Variants in SRRM3 observed in about 807,000 individuals in gnomAD.
SRRM3 encodes serine/arginine repetitive matrix protein 3.
SRRM3 carries 27 observed loss-of-function variants against 66.2 expected under a neutral mutation model. The observed-to-expected ratio is 0.41, with a 90% CI of 0.30 to 0.56. SRRM3 has a LOEUF of 0.56. Ranked by LOEUF, SRRM3 falls within the 20% of genes least tolerant of loss-of-function variation. The pLI is 0.32. For missense variants in SRRM3, 918 were observed against 991.9 expected (o/e 0.93, Z 1.00); for synonymous variants, 391 against 414.9 (o/e 0.94, Z 0.70).
chr7:76,267,478 T>A, intron 11 of SRRM3, 43 bp downstream of exon 11: 1 of 1,077,206 alleles, frequency 9.3e-7, no homozygotes, highest in Non-Finnish European at 1.1e-6. Context: ...CGCCGCGGGC[T>A]GCGCCGTGCG....
intron 1 of SRRM3, among the ~76,000 whole-genome samples, chr7:76,224,975 A>G (rs1257573560): frequency 5.3e-5 from 8 of 152,138 alleles, no homozygotes; most frequent in Non-Finnish European, 1.2e-4. Context: ...AATCTATTTA[A>G]CTGAAGGTAA....
chr7:76,246,299 C>T (rs782094976), intron 2 of SRRM3, among the ~76,000 whole-genome samples: 1 of 152,142 alleles, frequency 6.6e-6, no homozygotes, highest in Admixed American at 6.6e-5. Flanking sequence ...TGCGTTGTCT[C>T]ACGCCTGTAA....
rs1231499069 is a variant in SRRM3, at chr7:76,267,294, G to A, written c.867G>A (p.Thr289=). The change falls in exon 11 of 15, where the codon ACG becomes ACA. Residue 289 remains threonine, a synonymous_variant. Coordinates refer to ENST00000611745, the MANE Select transcript of SRRM3 (RefSeq NM_001110199.3). ...AGCACCGAGACGAAGGGCGAAAGAC[G>A]GGCAGCCAGCGGTCCAGCGGAAGCC... ...SPKHRDEGRK[T]GSQRSSGSRS... 1.9e-6 allele frequency: 3 copies of A among 1,557,244 alleles called. No homozygotes were observed. The highest frequency in any genetic ancestry group is 2.9e-5 in the African/African-American group (2 of 70,128).
At chr7:76,264,615 A>G in intron 8 of SRRM3, 150 bp from the exon 9 acceptor site, 1 of 710,498 alleles carries the variant, frequency 1.4e-6, no homozygotes. Flanking sequence ...AAAGGGGTGG[A>G]GTAGGATGGA....
intron 1 of SRRM3, among the ~76,000 whole-genome samples, chr7:76,215,821 A>G (rs1252569782): frequency 4.7e-5 from 6 of 128,052 alleles, no homozygotes; most frequent in African/African-American, 1.3e-4. Flanking sequence ...TTTTTGAGAC[A>G]GAGTCTCACT....
At chr7:76,203,067 C>T (rs528489272) in intron 1 of SRRM3, among the ~76,000 whole-genome samples, 7 of 152,316 alleles carry the variant, frequency 4.6e-5, no homozygotes, top group African/African-American at 9.6e-5. Flanking sequence ...GACGGAGAGA[C>T]GTGCACAAGT....
intron 1 of SRRM3, among the ~76,000 whole-genome samples, chr7:76,224,986 TGGGACC>T (rs1800819880): frequency 1.3e-5 from 2 of 152,160 alleles, no homozygotes; most frequent in Non-Finnish European, 1.5e-5. Flanking sequence ...CTGAAGGTAA[TGGGACC>T]AGCCCACCTT....
rs1250116865 is a variant in SRRM3, at chr7:76,285,764, G to A, written c.1883G>A (p.Arg628His). The A allele has an allele frequency of 9.0e-6, 14 of 1,550,664 alleles. No individual in the cohort carries two copies. The Admixed American group carries it at 1.6e-4, about 17-fold the overall frequency. ...GSYSSRSHGT[R>H]SRTRSPSRTP... ...TACAGCAGTCGCAGCCATGGGACCC[G>A]CAGCCGGACACGCAGCCCCTCGAGG... Residue 628 changes from arginine (R) to histidine (H), a missense_variant, in exon 15 of 15, where the codon CGC (arginine) becomes CAC (histidine). By Grantham distance (29) the Arg-to-His change is conservative. Transcript: ENST00000611745. The surrounding 1 kb of genome is among the most constrained non-coding windows in gnomAD (Gnocchi z 4.1).
At chr7:76,277,939 T>C (rs1583941190) in intron 11 of SRRM3, among the ~76,000 whole-genome samples, 1 of 152,282 alleles carries the variant, frequency 6.6e-6, no homozygotes. Flanking sequence ...CTACTGTGAA[T>C]TGGCTCCCAA....
At chr7:76,261,704 T>C (rs1801877033) in intron 8 of SRRM3, 123 bp downstream of exon 8, 2 of 1,117,046 alleles carry the variant, frequency 1.8e-6, no homozygotes, top group Admixed American at 4.0e-5. Flanking sequence ...CCAGGGTTCC[T>C]TCCCACAGCC....
chr7:76,259,136 G>A (rs1362783071), intron 3 of SRRM3, among the ~76,000 whole-genome samples: 1 of 151,318 alleles, frequency 6.6e-6, no homozygotes, highest in Non-Finnish European at 1.5e-5. Context: ...GAAAGGAGGG[G>A]TGGGGATGGG....
At chr7:76,265,843 T>TAAATATTTATATATTTA (rs1554609499) in intron 10 of SRRM3, among the ~76,000 whole-genome samples, 159 of 9,614 alleles carry the variant, frequency 0.017, 31 homozygotes, top group African/African-American at 0.071. Flanking sequence ...TATATATATA[T>TAAATATTTATATATTTA]ATATATATAT....
intron 1 of SRRM3, among the ~76,000 whole-genome samples, chr7:76,228,437 G>A (rs189702245): frequency 2.1e-3 from 313 of 152,208 alleles, no homozygotes; most frequent in Middle Eastern, 6.8e-3. Context: ...TCAACAATCT[G>A]TGTCTTGCTG....
intron 1 of SRRM3, among the ~76,000 whole-genome samples, chr7:76,223,864 T>C (rs150108052): frequency 4.8e-4 from 35 of 73,656 alleles, no homozygotes; most frequent in East Asian, 3.2e-3. Context: ...TCCCTTCCCT[T>C]CCCTTCCCTT....
intron 8 of SRRM3, among the ~76,000 whole-genome samples, chr7:76,263,906 G>T (rs75612682): frequency 1.3e-5 from 1 of 79,060 alleles, no homozygotes; most frequent in African/African-American, 5.9e-5. Flanking sequence ...AAAAAAAAAA[G>T]CAGGGACATC....
intron 3 of SRRM3, among the ~76,000 whole-genome samples, chr7:76,251,426 G>A (rs1311358317): frequency 2.0e-5 from 3 of 151,098 alleles, no homozygotes; most frequent in African/African-American, 7.3e-5. Flanking sequence ...CCAGGCTGGA[G>A]TGCAGTGGCG....
chr7:76,224,604 A>G (rs1235989819), intron 1 of SRRM3, among the ~76,000 whole-genome samples: 1 of 152,086 alleles, frequency 6.6e-6, no homozygotes, highest in Non-Finnish European at 1.5e-5. Context: ...ACTAGGGAAT[A>G]TTGTCTCCGT....
chr7:76,226,762 T>C (rs1032339453), intron 1 of SRRM3, among the ~76,000 whole-genome samples: 25 of 151,966 alleles, frequency 1.6e-4, no homozygotes, highest in African/African-American at 5.8e-4. Flanking sequence ...AGCTCATTTT[T>C]GTATTTTTAG....
At chr7:76,205,164 G>A (rs1391108810) in intron 1 of SRRM3, among the ~76,000 whole-genome samples, 6 of 152,022 alleles carry the variant, frequency 3.9e-5, no homozygotes, top group Non-Finnish European at 7.4e-5. Context: ...CACTGACCCA[G>A]CGCCTCTGCA....
Sources: gnomAD v4.1 joint callset for allele counts (sites outside exome capture counted in the v4.1 genomes callset) on GRCh38, gnomAD v4.1.1 for gene constraint, Gnocchi (gnomAD v3.1) non-coding constraint, MANE v1.5 for transcripts, NCBI Gene and HGNC (gene_info 2026-07-23, HGNC 2026-07-21) for gene names.